The following MN1 variants were observed in gnomAD, a reference collection of about 807,000 sequenced individuals.
MN1 encodes MN1 proto-oncogene, transcriptional regulator.
In MN1, 19 loss-of-function variants were observed where a neutral mutation model predicts 86.9. The ratio of observed to expected loss-of-function variants is 0.22; its 90% CI spans 0.15 to 0.32. The LOEUF (loss-of-function observed/expected upper bound fraction) is 0.32. Ranked by LOEUF, MN1 falls within the 10% of genes least tolerant of loss-of-function variation. The probability of loss-of-function intolerance (pLI) is 1.00; values close to 1 mark genes in which losing one functional copy is unlikely to be tolerated. For synonymous variants in MN1, 928 were observed against 849.6 expected (o/e 1.09, Z -1.60); for missense variants, 1,841 against 1,862.0 (o/e 0.99, Z 0.21).
In MN1 at chr22:27,799,701, G is replaced by T. The variant is rs1029874438; in HGVS notation, c.843C>A (p.Gly281=). ...PGASAMPRAA[G]MVGLSKMHAQ... is the part of the protein sequence containing the mutation. ...CGTGCATTTTGGACAAGCCCACCAT[G>T]CCCGCAGCTCTGGGCATGGCCGAGG... The change falls in exon 1 of 2, where the codon GGC becomes GGA. Residue 281 remains glycine, a synonymous_variant. Coordinates refer to ENST00000302326, the MANE Select transcript of MN1 (RefSeq NM_002430.3). The T allele has an allele frequency of 2.6e-6, 4 of 1,561,582 alleles. No homozygotes were observed. Among genetic ancestry groups the T allele is most frequent in the Non-Finnish European group, 3.5e-6 (4 of 1,153,770 alleles).
chr22:27,800,390 T>C lies in MN1; in HGVS notation c.154A>G (p.Met52Val), dbSNP rs755765653. 2.5e-6 allele frequency: 4 copies of C among 1,613,450 alleles called. No homozygotes were observed. Among genetic ancestry groups the C allele is most frequent in the South Asian group, 2.2e-5 (2 of 91,040 alleles). The change falls in exon 1 of 2, where the codon ATG becomes GTG. Residue 52 changes from methionine to valine, a missense_variant. Physicochemically the swap from Met to Val is conservative, Grantham distance 21. Coordinates refer to ENST00000302326, the MANE Select transcript of MN1 (RefSeq NM_002430.3). ...ATCGGGGGTTCGCCCAGCGCGCTCATAGCAGGATCCACAGGGCCAGGGGGC... is the reference window on the plus strand; with the variant it reads ...ATCGGGGGTTCGCCCAGCGCGCTCACAGCAGGATCCACAGGGCCAGGGGGC... Reference protein sequence around the residue: ...GGPPGPVDPAMSALGEPPILG... With the variant: ...GGPPGPVDPAVSALGEPPILG...
At chr22:27,761,044 G>A (rs1013019354) in intron 1 of MN1, among the ~76,000 whole-genome samples, 2 of 152,160 alleles carry the variant, frequency 1.3e-5, no homozygotes, top group Admixed American at 1.3e-4. Context: ...CAGAGCCAAG[G>A]TCACACCCAG....
chr22:27,748,601 A>G lies in MN1; in HGVS notation c.*2314T>C. 4.8e-6 allele frequency: 1 copy of G among 209,054 alleles called. No homozygotes were observed. The highest frequency in any genetic ancestry group is 9.8e-6 in the Non-Finnish European group (1 of 102,452). The allele number at this position is 209,054 out of a possible 1,614,324, so 12.9% of individuals were successfully genotyped here. A position where few individuals can be genotyped will look rare whatever the true frequency, so the allele number is the denominator to read the frequency against. ...TACTGATTACCAGTGTTCGGAGTCTAGTGTGTAGGGTGTGTTTTTCATTTA... is the reference window on the plus strand; with the variant it reads ...TACTGATTACCAGTGTTCGGAGTCTGGTGTGTAGGGTGTGTTTTTCATTTA... On this transcript the variant is annotated 3_prime_UTR_variant, in exon 2 of 2. Coordinates refer to ENST00000302326, the MANE Select transcript of MN1 (RefSeq NM_002430.3).
chr22:27,755,023 G>A (rs959836342), intron 1 of MN1, among the ~76,000 whole-genome samples: 2 of 152,160 alleles, frequency 1.3e-5, no homozygotes, highest in Admixed American at 6.5e-5. Flanking sequence ...ACTGTGAAGC[G>A]CCCTTCATCC....
chr22:27,800,306 C>A lies in MN1; in HGVS notation c.238G>T (p.Ala80Ser), dbSNP rs1263148999. ...FHARGHSELHAGGLQAQPVHG... is the reference protein window; with the variant it reads ...FHARGHSELHSGGLQAQPVHG... ...ACAGGCTGCGCTTGCAGCCCCCCTG[C>A]GTGCAACTCCGAGTGGCCGCGCGCG... The change falls in exon 1 of 2, where the codon GCA becomes TCA. Residue 80 changes from alanine (A) to serine (S), a missense_variant. Coordinates refer to ENST00000302326, the MANE Select transcript of MN1 (RefSeq NM_002430.3). 5.1e-6 allele frequency: 8 copies of A among 1,575,716 alleles called. No individual in the cohort carries two copies. The highest frequency in any genetic ancestry group is 2.4e-5 in the South Asian group (2 of 84,528).
In MN1 at chr22:27,799,376, T is replaced by C. The variant is rs1407007969; in HGVS notation, c.1168A>G (p.Ser390Gly). ...RPQQGEAGTP[S>G]GGLQDGGPML... ...GGGCCTCCGTCCTGCAGGCCGCCGC[T>C]GGGCGTGCCCGCCTCGCCCTGCTGG... The change falls in exon 1 of 2, where the codon AGC becomes GGC. Residue 390 changes from serine (S) to glycine (G), a missense_variant. By Grantham distance (56) the Ser-to-Gly change is moderately conservative. Transcript: ENST00000302326. 3 of 1,545,616 alleles carry C rather than the reference T, an allele frequency of 1.9e-6. No homozygotes were observed. Among genetic ancestry groups the C allele is most frequent in the Non-Finnish European group, 8.7e-7 (1 of 1,148,606 alleles).
chr22:27,800,596 G>A lies in MN1; in HGVS notation c.-53C>T. On this transcript the variant is annotated 5_prime_UTR_variant, in exon 1 of 2. Coordinates refer to ENST00000302326, the MANE Select transcript of MN1 (RefSeq NM_002430.3). Reference sequence around the variant, plus strand: ...TAGGGCATGACAGCCGGCTCTCCGCGGCGCGCCTCCGGCCAGCTACTCGTT... The same window carrying A: ...TAGGGCATGACAGCCGGCTCTCCGCAGCGCGCCTCCGGCCAGCTACTCGTT... The A allele has an allele frequency of 3.7e-6, 6 of 1,609,894 alleles. No homozygotes were observed. Among genetic ancestry groups the A allele is most frequent in the Non-Finnish European group, 5.1e-6 (6 of 1,179,484 alleles).
Position 27,799,671 on chromosome 22 carries a change from C to G in MN1, c.873G>C (p.Gln291His), listed in dbSNP as rs563396290. Reference protein sequence around the residue: ...GMVGLSKMHAQPPQQQPQQQQ... With the variant: ...GMVGLSKMHAHPPQQQPQQQQ... ...GCTGCTGGGGCTGCTGCTGCGGTGG[C>G]TGGGCGTGCATTTTGGACAAGCCCA... Residue 291 changes from glutamine (Q) to histidine (H), a missense_variant, in exon 1 of 2, where the codon CAG becomes CAC. Coordinates refer to ENST00000302326, the MANE Select transcript of MN1 (RefSeq NM_002430.3). 2.4e-5 allele frequency: 37 copies of G among 1,551,366 alleles called. No individual in the cohort carries two copies. In the South Asian group the frequency reaches 4.2e-4, roughly 17 times the overall value.
At chr22:27,791,474 G>A (rs1933210163) in intron 1 of MN1, among the ~76,000 whole-genome samples, 2 of 152,074 alleles carry the variant, frequency 1.3e-5, no homozygotes, top group African/African-American at 4.8e-5. Flanking sequence ...GAGGTTGGGC[G>A]ATCCTGGCCC....
rs946108416 is a variant in MN1 at position 27,800,327 on chromosome 22, G to T, written c.217C>A (p.Arg73Ser). The part of the protein sequence containing the change: ...MNMEPYGFHA[R>S]GHSELHAGGL... ...CCTGCGTGCAACTCCGAGTGGCCGC[G>T]CGCGTGGAAGCCGTAGGGCTCCATG... is the stretch of plus-strand genomic sequence containing the variant. Residue 73 changes from arginine to serine, a missense_variant, in exon 1 of 2, where the codon CGC becomes AGC. Coordinates refer to ENST00000302326, the MANE Select transcript of MN1 (RefSeq NM_002430.3). 3 of 1,583,140 alleles carry T rather than the reference G, an allele frequency of 1.9e-6. No homozygotes were observed. Among genetic ancestry groups the T allele is most frequent in the Admixed American group, 3.5e-5 (2 of 56,924 alleles).
Position 27,775,247 on chromosome 22 carries a change from C to T in MN1, c.3781+21516G>A, listed in dbSNP as rs1055204140. On this transcript the variant is annotated intron_variant, in intron 1 of 1. Coordinates refer to ENST00000302326, the MANE Select transcript of MN1 (RefSeq NM_002430.3). Reference sequence around the variant, plus strand: ...TGCTCCACCCTCCAACCTGGCCCCCCGCCCTTTCGATGGCTACAGAATGAT... The same window carrying T: ...TGCTCCACCCTCCAACCTGGCCCCCTGCCCTTTCGATGGCTACAGAATGAT... Among the ~76,000 whole-genome samples, 13 of 152,332 alleles carry T rather than the reference C, an allele frequency of 8.5e-5. No homozygotes were observed. In the South Asian group the frequency reaches 1.9e-3, roughly 22 times the overall value.
intron 1 of MN1, among the ~76,000 whole-genome samples, chr22:27,771,219 CTTT>C (rs11330963): frequency 3.2e-4 from 28 of 86,636 alleles, no homozygotes; most frequent in East Asian, 9.0e-4. Context: ...TTTTCCCTAA[CTTT>C]TTTTTTTTTT....
chr22:27,777,737 G>T (rs567758357), intron 1 of MN1, among the ~76,000 whole-genome samples: 18 of 151,904 alleles, frequency 1.2e-4, no homozygotes, highest in Non-Finnish European at 2.4e-4. Flanking sequence ...TTAGCTGGGC[G>T]TGGTGGCGCA....
At chr22:27,764,875 A>G (rs1932858005) in intron 1 of MN1, among the ~76,000 whole-genome samples, 1 of 152,218 alleles carries the variant, frequency 6.6e-6, no homozygotes, top group Non-Finnish European at 1.5e-5. Context: ...TCAGCCCACT[A>G]CAGCACACAA....
intron 1 of MN1, among the ~76,000 whole-genome samples, chr22:27,761,658 C>T (rs1337707954): frequency 3.3e-5 from 5 of 152,130 alleles, no homozygotes; most frequent in African/African-American, 1.2e-4. Flanking sequence ...CTGCCCTGGG[C>T]ACAGAGCCAG....
chr22:27,790,595 G>A (rs1264127994), intron 1 of MN1, among the ~76,000 whole-genome samples: 1 of 151,518 alleles, frequency 6.6e-6, no homozygotes, highest in Non-Finnish European at 1.5e-5. Flanking sequence ...TGTCGTCTCC[G>A]CCACGTCGTT....
chr22:27,765,270 C>T (rs764135863), intron 1 of MN1, among the ~76,000 whole-genome samples: 5 of 152,220 alleles, frequency 3.3e-5, no homozygotes, highest in Non-Finnish European at 7.3e-5. Flanking sequence ...TATGAAGATT[C>T]GTGCTGTCAC....
intron 1 of MN1, among the ~76,000 whole-genome samples, chr22:27,779,014 A>G (rs1212845975): frequency 6.6e-6 from 1 of 152,270 alleles, no homozygotes; most frequent in East Asian, 1.9e-4. Flanking sequence ...ACCCCTGCAG[A>G]GATGGGGGTG....
Position 27,769,552 on chromosome 22 carries a change from A to ATTTTTTTTTTTTTTTTT in MN1, c.3782-18473_3782-18457dup, listed in dbSNP as rs58248602. ...CGAAGCAATAATATCAAGGATGCCAATTTTTTTTTTTTTTTTTTGAGACAG... is the reference window on the plus strand; with the variant it reads ...CGAAGCAATAATATCAAGGATGCCAATTTTTTTTTTTTTTTTTTTTTTTTTTTTTTTTTTTGAGACAG... On this transcript the variant is annotated intron_variant, in intron 1 of 1. Coordinates refer to ENST00000302326, the MANE Select transcript of MN1 (RefSeq NM_002430.3). Among the ~76,000 whole-genome samples the ATTTTTTTTTTTTTTTTT allele has an allele frequency of 6.4e-4, 53 of 83,276 alleles. 8 individuals carry two copies. Among genetic ancestry groups the ATTTTTTTTTTTTTTTTT allele is most frequent in the Admixed American group, 9.1e-4 (5 of 5,518 alleles). 54.6% of individuals were successfully genotyped at this position (83,276 alleles called of 152,430 possible). A position where few individuals can be genotyped will look rare whatever the true frequency, so the allele number is the denominator to read the frequency against.
Sources: gnomAD v4.1 joint callset for allele counts (sites outside exome capture counted in the v4.1 genomes callset) on GRCh38, gnomAD v4.1.1 for gene constraint, MANE v1.5 for transcripts, NCBI Gene and HGNC (gene_info 2026-07-23, HGNC 2026-07-21) for gene names.